ALK: variants seen among roughly 807,000 people sequenced by gnomAD.
ALK encodes ALK tyrosine kinase receptor.
ALK carries 74 observed loss-of-function variants against 163.1 expected under a neutral mutation model. The observed-to-expected ratio is 0.45, with a 90% CI of 0.38 to 0.55. ALK has a LOEUF of 0.55. Ranked by LOEUF, ALK falls within the 20% of genes least tolerant of loss-of-function variation. The probability of loss-of-function intolerance (pLI) is 0.00; values close to 1 mark genes in which losing one functional copy is unlikely to be tolerated. For missense variants in ALK, 2,063 were observed against 2,105.3 expected, an observed-to-expected ratio of 0.98 and a Z score of 0.39; for synonymous variants, 960 against 843.2, an observed-to-expected ratio of 1.14 and a Z score of -2.40.
chr2:29,267,392 T>C (rs1665249038), intron 11 of ALK, among the ~76,000 whole-genome samples: 1 of 152,238 alleles, frequency 6.6e-6, no homozygotes. Flanking sequence ...GTATAATAAA[T>C]GTGTGTTGTT....
chr2:29,659,754 A>G (rs1677293960), intron 3 of ALK, among the ~76,000 whole-genome samples: 3 of 152,140 alleles, frequency 2.0e-5, no homozygotes, highest in Admixed American at 6.5e-5. Flanking sequence ...TCTGTCTTGT[A>G]TTGTTATAAC....
intron 1 of ALK, among the ~76,000 whole-genome samples, chr2:29,898,959 G>C (rs1242499866): frequency 1.3e-5 from 2 of 152,160 alleles, no homozygotes; most frequent in Non-Finnish European, 2.9e-5. Flanking sequence ...CTTCCTTCTT[G>C]CTCACAGAGC....
intron 9 of ALK, among the ~76,000 whole-genome samples, chr2:29,276,514 A>G (rs900448519): frequency 6.6e-6 from 1 of 152,184 alleles, no homozygotes; most frequent in Non-Finnish European, 1.5e-5. Context: ...CAGAACGTCA[A>G]TCCAGAATGA....
intron 1 of ALK, among the ~76,000 whole-genome samples, chr2:29,732,190 A>G (rs923796336): frequency 1.3e-5 from 2 of 152,230 alleles, no homozygotes; most frequent in African/African-American, 4.8e-5. Flanking sequence ...GATTTTTCAA[A>G]TTCTTATCTC....
chr2:29,696,212 G>A (rs565450711), intron 2 of ALK, among the ~76,000 whole-genome samples: 22 of 152,220 alleles, frequency 1.4e-4, no homozygotes, highest in African/African-American at 2.9e-4. Flanking sequence ...CCTTAAAAAC[G>A]GATGAGTTCA....
intron 8 of ALK, among the ~76,000 whole-genome samples, chr2:29,317,829 T>C (rs993610458): frequency 6.7e-6 from 1 of 149,852 alleles, no homozygotes; most frequent in Admixed American, 6.7e-5. Context: ...CCCACACCAA[T>C]GAGATAACAG....
At chr2:29,522,622 G>C (rs1672844896) in intron 4 of ALK, among the ~76,000 whole-genome samples, 2 of 152,100 alleles carry the variant, frequency 1.3e-5, no homozygotes, top group South Asian at 4.1e-4. Flanking sequence ...TGCTATTTGA[G>C]AAACCCTAAA....
chr2:29,204,620 G>A (rs377479991), intron 26 of ALK, among the ~76,000 whole-genome samples: 37 of 151,994 alleles, frequency 2.4e-4, no homozygotes, highest in South Asian at 8.3e-4. Flanking sequence ...ATGGAGTTTC[G>A]CTCTTGTCAC....
chr2:29,497,662 A>G (rs933991690), intron 4 of ALK, among the ~76,000 whole-genome samples: 1 of 152,168 alleles, frequency 6.6e-6, no homozygotes, highest in Non-Finnish European at 1.5e-5. Context: ...CATTCCTATC[A>G]AGAGGGCAAA....
intron 2 of ALK, among the ~76,000 whole-genome samples, chr2:29,710,483 A>C (rs1229192407): frequency 7.1e-6 from 1 of 140,768 alleles, no homozygotes; most frequent in East Asian, 2.1e-4. Flanking sequence ...CACCAGCTTC[A>C]ACCTCAGTCT....
At chr2:29,635,671 C>G (rs993914957) in intron 3 of ALK, among the ~76,000 whole-genome samples, 1 of 150,246 alleles carries the variant, frequency 6.7e-6, no homozygotes, top group African/African-American at 2.5e-5. Flanking sequence ...GGTGTGATCT[C>G]GGCTCACTGC....
chr2:29,193,255 C>G lies in ALK; in HGVS notation c.4832G>C (p.Ser1611Thr). 1 of 1,614,172 alleles carries G rather than the reference C, an allele frequency of 6.2e-7. No individual in the cohort carries two copies. Among genetic ancestry groups the G allele is most frequent in the South Asian group, 1.1e-5 (1 of 91,078 alleles). The change falls in exon 29 of 29, where the codon AGC becomes ACC. Residue 1611 changes from serine to threonine, a missense_variant. Transcript: ENST00000389048. ...AGHYEDTILK[S>T]KNSMNQPGP Reference sequence around the variant, plus strand: ...CCCAGGCTGGTTCATGCTATTCTTGCTTTTCAGAATGGTATCCTCGTAATG... The same window carrying G: ...CCCAGGCTGGTTCATGCTATTCTTGGTTTTCAGAATGGTATCCTCGTAATG...
intron 1 of ALK, among the ~76,000 whole-genome samples, chr2:29,802,819 T>C (rs2148366104): frequency 6.6e-6 from 1 of 150,488 alleles, no homozygotes; most frequent in South Asian, 2.1e-4. Flanking sequence ...TTGTGGTTTA[T>C]AATAATGAGG....
intron 1 of ALK, among the ~76,000 whole-genome samples, chr2:29,751,377 T>C (rs1680362370): frequency 6.6e-6 from 1 of 152,214 alleles, no homozygotes; most frequent in Admixed American, 6.5e-5. Context: ...TTCAGCTTCC[T>C]TATAAAGCTT....
intron 2 of ALK, 85 bp downstream of exon 2, chr2:29,717,493 C>T (rs1340100492): frequency 6.5e-7 from 1 of 1,538,108 alleles, no homozygotes; most frequent in Non-Finnish European, 9.0e-7. Context: ...CCCTGGAGCA[C>T]TATGAATCCC....
At chr2:29,624,566 A>C (rs550186471) in intron 3 of ALK, among the ~76,000 whole-genome samples, 1 of 152,174 alleles carries the variant, frequency 6.6e-6, no homozygotes, top group East Asian at 1.9e-4. Context: ...GTTGCCTAAA[A>C]CTTAAGACTC....
intron 3 of ALK, among the ~76,000 whole-genome samples, chr2:29,614,331 A>G (rs1006326373): frequency 8.5e-5 from 13 of 152,194 alleles, no homozygotes; most frequent in African/African-American, 3.1e-4. Flanking sequence ...CAACAGGTAG[A>G]ATAATCCTCA....
At chr2:29,374,387 C>T (rs72792429) in intron 5 of ALK, among the ~76,000 whole-genome samples, 7,617 of 151,960 alleles carry the variant, frequency 0.05, 282 homozygotes, top group East Asian at 0.14. Flanking sequence ...CCTCTAATCT[C>T]TCTCCTACAT....
intron 8 of ALK, among the ~76,000 whole-genome samples, chr2:29,316,113 C>A (rs1368237547): frequency 2.6e-5 from 4 of 152,158 alleles, no homozygotes; most frequent in Non-Finnish European, 5.9e-5. Context: ...AGGAGGAAAT[C>A]AACTTCCTGC....
Sources: allele counts gnomAD v4.1 joint callset (sites outside exome capture counted in the v4.1 genomes callset), GRCh38; gene constraint gnomAD v4.1.1; transcripts MANE v1.5; gene names NCBI Gene and HGNC (gene_info 2026-07-23, HGNC 2026-07-21).